Variants in RTF1 observed in about 807,000 individuals in gnomAD.
RTF1 encodes RNA polymerase-associated protein RTF1 homolog.
Under a neutral mutation model 95.7 loss-of-function variants are expected in RTF1, and 10 were observed. The observed-to-expected ratio is 0.10, with a 90% CI of 0.06 to 0.18. RTF1 has a LOEUF of 0.18. Ranked by LOEUF, RTF1 falls within the 10% of genes least tolerant of loss-of-function variation. RTF1 has a pLI of 1.00. For missense variants in RTF1, 458 were observed against 875.6 expected, an observed-to-expected ratio of 0.52 and a Z score of 6.02; for synonymous variants, 305 against 311.8, an observed-to-expected ratio of 0.98 and a Z score of 0.23.
At chr15:41,437,182 A>G (rs2050708759) in intron 1 of RTF1, among the ~76,000 whole-genome samples, 1 of 151,924 alleles carries the variant, frequency 6.6e-6, no homozygotes, top group Non-Finnish European at 1.5e-5. Flanking sequence ...TGAAGATTAA[A>G]TATCAGATGT....
Position 41,417,113 on chromosome 15 carries a change from C to T in RTF1, c.-3C>T. 1 of 1,239,532 alleles carries T rather than the reference C, an allele frequency of 8.1e-7. No homozygotes were observed. Among genetic ancestry groups the T allele is most frequent in the Non-Finnish European group, 1.0e-6 (1 of 988,006 alleles). 76.8% of individuals were successfully genotyped at this position (1,239,532 alleles called of 1,614,324 possible). On this transcript the variant is annotated 5_prime_UTR_variant, in exon 1 of 18. Coordinates refer to ENST00000389629, the MANE Select transcript of RTF1 (RefSeq NM_015138.5). ...GGGGCCAGGGGGGCGGAGCGGAGCG[C>T]GCATGCGCGGTCGCCTTTGTGTGGG...
chr15:41,438,484 G>C, intron 2 of RTF1, 53 bp downstream of exon 2: 3 of 1,189,626 alleles, frequency 2.5e-6, no homozygotes, highest in East Asian at 5.2e-5. Flanking sequence ...GAGGCTCCTC[G>C]CTTTGGTGGC....
chr15:41,473,429 G>C (rs2050925530), intron 8 of RTF1, among the ~76,000 whole-genome samples: 2 of 150,932 alleles, frequency 1.3e-5, no homozygotes, highest in African/African-American at 4.9e-5. Context: ...ACCACGCCCG[G>C]CCCAGGTGTT....
intron 1 of RTF1, among the ~76,000 whole-genome samples, chr15:41,421,770 A>G (rs142028697): frequency 7.2e-4 from 107 of 149,494 alleles, no homozygotes; most frequent in Non-Finnish European, 1.0e-3. Flanking sequence ...GTGCAGTGGC[A>G]CAATTACAGC....
rs368594345 is a variant in RTF1, at chr15:41,438,331, C to A, written c.209C>A (p.Ser70Tyr). The A allele has an allele frequency of 1.3e-6, 2 of 1,549,922 alleles. No homozygotes were observed. The highest frequency in any genetic ancestry group is 3.9e-5 in the Admixed American group (2 of 50,916). ...SDENLDQELL[S>Y]LAKRKRSDSE... is the part of the protein sequence containing the mutation. Reference sequence around the variant, plus strand: ...TTTTTGTCCCATTAGGAGCTCTTGTCCCTGGCAAAGCGAAAGCGCAGTGAC... The same window carrying A: ...TTTTTGTCCCATTAGGAGCTCTTGTACCTGGCAAAGCGAAAGCGCAGTGAC... The change falls in exon 2 of 18, where the codon TCC becomes TAC. Residue 70 changes from serine (S) to tyrosine (Y), a missense_variant. Coordinates refer to ENST00000389629, the MANE Select transcript of RTF1 (RefSeq NM_015138.5).
chr15:41,451,182 A>G (rs922952591), intron 2 of RTF1, among the ~76,000 whole-genome samples: 1 of 152,178 alleles, frequency 6.6e-6, no homozygotes, highest in Non-Finnish European at 1.5e-5. Flanking sequence ...TTATAGAAGG[A>G]ACAAAGACTT....
At chr15:41,429,435 T>TC (rs1365334084) in intron 1 of RTF1, among the ~76,000 whole-genome samples, 1 of 151,460 alleles carries the variant, frequency 6.6e-6, no homozygotes, top group Non-Finnish European at 1.5e-5. Flanking sequence ...GTTGTAGTGC[T>TC]CTTTTTTTTT....
intron 3 of RTF1, among the ~76,000 whole-genome samples, chr15:41,455,676 G>A (rs1046196678): frequency 2.0e-5 from 3 of 151,350 alleles, no homozygotes; most frequent in African/African-American, 7.3e-5. Context: ...ATGGTGGTGC[G>A]CTCCTGTGGT....
At chr15:41,443,157 A>G (rs535772412) in intron 2 of RTF1, among the ~76,000 whole-genome samples, 1 of 152,260 alleles carries the variant, frequency 6.6e-6, no homozygotes, top group African/African-American at 2.4e-5. Flanking sequence ...GCAAAAAGAT[A>G]TTTAGCTAAT....
At chr15:41,441,498 A>G (rs2050735843) in intron 2 of RTF1, among the ~76,000 whole-genome samples, 1 of 152,154 alleles carries the variant, frequency 6.6e-6, no homozygotes, top group African/African-American at 2.4e-5. Context: ...TCAGAGTCCT[A>G]ACTTTTGCAG....
At chr15:41,470,900 C>T (rs1050159211) in intron 7 of RTF1, among the ~76,000 whole-genome samples, 3 of 151,874 alleles carry the variant, frequency 2.0e-5, no homozygotes, top group Non-Finnish European at 2.9e-5. Flanking sequence ...CCTCGTGATC[C>T]GCCCGCCTCG....
intron 2 of RTF1, among the ~76,000 whole-genome samples, chr15:41,441,962 G>A (rs1158660627): frequency 6.6e-6 from 1 of 152,128 alleles, no homozygotes; most frequent in Non-Finnish European, 1.5e-5. Flanking sequence ...CTGAGTTAGA[G>A]CAAATAGTTC....
chr15:41,435,388 T>A (rs2050696825), intron 1 of RTF1, among the ~76,000 whole-genome samples: 1 of 151,912 alleles, frequency 6.6e-6, no homozygotes, highest in South Asian at 2.1e-4. Context: ...GTTTTTTTTT[T>A]TATAGAGACT....
chr15:41,437,873 AAAATG>A (rs1159594940), intron 1 of RTF1, among the ~76,000 whole-genome samples: 1 of 152,194 alleles, frequency 6.6e-6, no homozygotes, highest in Non-Finnish European at 1.5e-5. Flanking sequence ...TTCAAAATAT[AAAATG>A]ACCTCAGAAA....
Position 41,476,657 on chromosome 15 carries a change from G to A in RTF1, c.1560+134G>A. 1.4e-5 allele frequency: 11 copies of A among 759,218 alleles called. No homozygotes were observed. The South Asian group carries it at 1.7e-4, about 12-fold the overall frequency. The allele number at this position is 759,218 out of a possible 1,614,324, so 47.0% of individuals were successfully genotyped here. ...GGCTCGATTATAAGCAACACAGTGT[G>A]TTCTTGGCACCTGGGCAACGTTCCT... On this transcript the variant is annotated intron_variant, in intron 12 of 17. Coordinates refer to ENST00000389629, the MANE Select transcript of RTF1 (RefSeq NM_015138.5).
intron 1 of RTF1, among the ~76,000 whole-genome samples, chr15:41,436,684 C>T (rs1384744462): frequency 1.3e-5 from 2 of 150,940 alleles, no homozygotes; most frequent in Non-Finnish European, 1.5e-5. Flanking sequence ...GTCCCATCTA[C>T]TTGGGAGGCT....
intron 4 of RTF1, among the ~76,000 whole-genome samples, chr15:41,458,695 G>A (rs2050831222): frequency 6.6e-6 from 1 of 152,098 alleles, no homozygotes; most frequent in Admixed American, 6.6e-5. Flanking sequence ...GTTGCAGTGA[G>A]CTGAGATGGC....
Position 41,471,153 on chromosome 15 carries a change from GC to G in RTF1, c.1026-15del. The G allele has an allele frequency of 1.9e-6, 3 of 1,564,580 alleles. No individual in the cohort carries two copies. The highest frequency in any genetic ancestry group is 2.8e-5 in the African/African-American group (2 of 72,502). On this transcript the variant is annotated intron_variant, in intron 7 of 17. Coordinates refer to ENST00000389629, the MANE Select transcript of RTF1 (RefSeq NM_015138.5). ...TTTTATGATGAACATTTTTTCCAGTGCCCCTTTGTTCCTCTTAGGAAAGAAG... is the reference window on the plus strand; with the variant it reads ...TTTTATGATGAACATTTTTTCCAGTGCCCTTTGTTCCTCTTAGGAAAGAAG...
chr15:41,459,677 T>C (rs1307449246), intron 4 of RTF1, among the ~76,000 whole-genome samples: 1 of 152,250 alleles, frequency 6.6e-6, no homozygotes, highest in Non-Finnish European at 1.5e-5. Context: ...GATTCAAGAC[T>C]TGGAATTTCT....
Sources: gnomAD v4.1 joint callset for allele counts (sites outside exome capture counted in the v4.1 genomes callset) on GRCh38, gnomAD v4.1.1 for gene constraint, MANE v1.5 for transcripts, NCBI Gene and HGNC (gene_info 2026-07-23, HGNC 2026-07-21) for gene names.